TMEM209: variants seen among roughly 807,000 people sequenced by gnomAD.
TMEM209 encodes transmembrane protein 209.
Under a neutral mutation model 76.2 loss-of-function variants are expected in TMEM209, and 65 were observed. The ratio of observed to expected loss-of-function variants is 0.85; its 90% CI spans 0.70 to 1.05. The LOEUF is 1.05. Among genes scored for constraint, TMEM209 ranks in the 50% least tolerant of loss-of-function variants. The probability of loss-of-function intolerance (pLI) is 0.00; values close to 1 mark genes in which losing one functional copy is unlikely to be tolerated. For missense variants in TMEM209, 623 were observed against 685.5 expected, an observed-to-expected ratio of 0.91 and a Z score of 1.02; for synonymous variants, 239 against 237.6, an observed-to-expected ratio of 1.01 and a Z score of -0.06.
At chr7:130,201,731 G>T in intron 5 of TMEM209, 119 bp downstream of exon 5, 1 of 1,243,150 alleles carries the variant, frequency 8.0e-7, no homozygotes, top group Non-Finnish European at 1.1e-6. Context: ...TTTTAAATGG[G>T]TGTTCTGGGC....
chr7:130,193,639 C>T (rs746767361), intron 5 of TMEM209, among the ~76,000 whole-genome samples: 1 of 151,614 alleles, frequency 6.6e-6, no homozygotes, highest in East Asian at 1.9e-4. Flanking sequence ...AAAAGCTACA[C>T]GGGTATGATT....
chr7:130,189,510 T>A (rs950902454), intron 6 of TMEM209, among the ~76,000 whole-genome samples: 2 of 152,182 alleles, frequency 1.3e-5, no homozygotes, highest in Non-Finnish European at 2.9e-5. Flanking sequence ...ATTGTAGTTA[T>A]AAAGGAAGAT....
intron 11 of TMEM209, among the ~76,000 whole-genome samples, chr7:130,174,542 C>G (rs542843901): frequency 6.6e-6 from 1 of 152,118 alleles, no homozygotes; most frequent in South Asian, 2.1e-4. Context: ...CAGTTAATAG[C>G]AAAACCAAGA....
At chr7:130,166,951 C>A (rs1365457595) in intron 14 of TMEM209, among the ~76,000 whole-genome samples, 1 of 152,028 alleles carries the variant, frequency 6.6e-6, no homozygotes, top group Non-Finnish European at 1.5e-5. Flanking sequence ...TACATTAAAT[C>A]CTACTACATA....
intron 9 of TMEM209, among the ~76,000 whole-genome samples, chr7:130,181,081 T>G (rs1361818916): frequency 6.6e-6 from 1 of 152,198 alleles, no homozygotes; most frequent in African/African-American, 2.4e-5. Context: ...AACTGATGAA[T>G]GAATAAGCAA....
chr7:130,204,157 C>T, intron 1 of TMEM209, 47 bp from the exon 2 acceptor site: 4 of 1,549,746 alleles, frequency 2.6e-6, no homozygotes, highest in Non-Finnish European at 3.5e-6. Flanking sequence ...GAAACTATTG[C>T]TCCATTTAAA....
chr7:130,182,177 G>C (rs971113395), intron 8 of TMEM209: 9 of 153,342 alleles, frequency 5.9e-5, no homozygotes, highest in African/African-American at 1.9e-4. Flanking sequence ...CCTGACCTCA[G>C]GTGATCCGCC....
intron 9 of TMEM209, among the ~76,000 whole-genome samples, chr7:130,180,807 T>G (rs1797386700): frequency 6.6e-6 from 1 of 152,124 alleles, no homozygotes; most frequent in South Asian, 2.1e-4. Flanking sequence ...CTATAAAACA[T>G]ATGACAAGTG....
rs1797145936 is a variant in TMEM209, at chr7:130,173,673, A to AATGGGGAGG, written c.1507_1515dup (p.Pro503_His505dup). 6.2e-7 allele frequency: 1 copy of AATGGGGAGG among 1,613,586 alleles called. No homozygotes were observed. Among genetic ancestry groups the AATGGGGAGG allele is most frequent in the Non-Finnish European group, 8.5e-7 (1 of 1,179,828 alleles). ...ACATGACGCTGGTAGATGAGCTCATAATGGGGAGGGTTGATAGCACTCTGA... is the reference window on the plus strand; with the variant it reads ...ACATGACGCTGGTAGATGAGCTCATAATGGGGAGGATGGGGAGGGTTGATAGCACTCTGA... On this transcript the variant is annotated inframe_insertion, in exon 13 of 15. Transcript: ENST00000397622.
chr7:130,202,423 G>C lies in TMEM209; in HGVS notation c.331+109C>G, dbSNP rs923644694. On this transcript the variant is annotated intron_variant, in intron 4 of 14. Transcript: ENST00000397622. ...AGACAATTTATTGTATCCTGCTTAAGATAGCTGATGTCCCTTCCAGCTTTG... is the reference window on the plus strand; with the variant it reads ...AGACAATTTATTGTATCCTGCTTAACATAGCTGATGTCCCTTCCAGCTTTG... 3 of 1,403,102 alleles carry C rather than the reference G, an allele frequency of 2.1e-6. No homozygotes were observed. The African/African-American group carries it at 4.3e-5, about 20-fold the overall frequency. 86.9% of individuals were successfully genotyped at this position (1,403,102 alleles called of 1,614,324 possible).
chr7:130,201,822 T>C (rs1798211970), intron 5 of TMEM209, 28 bp downstream of exon 5: 2 of 1,612,276 alleles, frequency 1.2e-6, no homozygotes, highest in Non-Finnish European at 1.7e-6. Context: ...TAAAATAATG[T>C]GACTAGACAA....
chr7:130,203,163 A>G (rs1798280833), intron 3 of TMEM209, among the ~76,000 whole-genome samples: 1 of 152,188 alleles, frequency 6.6e-6, no homozygotes, highest in Admixed American at 6.5e-5. Flanking sequence ...AACCCTGTAC[A>G]ATAAATATTT....
At chr7:130,198,289 A>C (rs919245584) in intron 5 of TMEM209, among the ~76,000 whole-genome samples, 2 of 152,106 alleles carry the variant, frequency 1.3e-5, no homozygotes, top group Non-Finnish European at 2.9e-5. Flanking sequence ...TTTGACCTGA[A>C]TTCTGGGTAC....
intron 5 of TMEM209, among the ~76,000 whole-genome samples, chr7:130,196,584 A>C (rs1275023300): frequency 5.3e-5 from 8 of 152,108 alleles, no homozygotes; most frequent in Non-Finnish European, 1.2e-4. Flanking sequence ...GCTGTTTTTG[A>C]AGTAAAGGGG....
chr7:130,181,944 C>CT, intron 8 of TMEM209: 3 of 384,292 alleles, frequency 7.8e-6, no homozygotes, highest in Admixed American at 3.8e-5. Flanking sequence ...AACTTACATT[C>CT]CTTTTTTTTT....
rs758160775 is a variant in TMEM209, at chr7:130,192,607, G to GA, written c.775+14dup. On this transcript the variant is annotated intron_variant, in intron 6 of 14. Transcript: ENST00000397622. Reference sequence around the variant, plus strand: ...CAAAAATATGTATAGTAGATATACAGAAATATATATGTACCCAGCTTAACC... The same window carrying GA: ...CAAAAATATGTATAGTAGATATACAGAAAATATATATGTACCCAGCTTAACC... 6.2e-7 allele frequency: 1 copy of GA among 1,606,564 alleles called. No individual in the cohort carries two copies. The highest frequency in any genetic ancestry group is 2.2e-5 in the East Asian group (1 of 44,838).
At chr7:130,198,210 C>T (rs1798056897) in intron 5 of TMEM209, among the ~76,000 whole-genome samples, 1 of 152,174 alleles carries the variant, frequency 6.6e-6, no homozygotes, top group African/African-American at 2.4e-5. Flanking sequence ...ATAGTGTTTT[C>T]AGGACTCATC....
intron 14 of TMEM209, among the ~76,000 whole-genome samples, chr7:130,168,987 C>T (rs908478296): frequency 6.6e-6 from 1 of 151,984 alleles, no homozygotes; most frequent in East Asian, 1.9e-4. Flanking sequence ...CCTGTAATTA[C>T]AGCACTTTGG....
intron 9 of TMEM209, among the ~76,000 whole-genome samples, chr7:130,180,288 C>T (rs1295575808): frequency 6.6e-6 from 1 of 151,934 alleles, no homozygotes; most frequent in Non-Finnish European, 1.5e-5. Context: ...GGGCTTATAT[C>T]TAGAATATAT....
Sources: gnomAD v4.1 joint callset for allele counts (sites outside exome capture counted in the v4.1 genomes callset) on GRCh38, gnomAD v4.1.1 for gene constraint, MANE v1.5 for transcripts, NCBI Gene and HGNC (gene_info 2026-07-23, HGNC 2026-07-21) for gene names.